DCLRE1C: variants seen among roughly 807,000 people sequenced by gnomAD.
DCLRE1C encodes DNA cross-link repair 1C.
In DCLRE1C, 47 loss-of-function variants were observed where a neutral mutation model predicts 61.4. That is an observed-to-expected ratio of 0.77 (90% CI 0.61 to 0.98). The LOEUF (loss-of-function observed/expected upper bound fraction) is 0.98, where lower values mean the gene tolerates loss of function less well. DCLRE1C is among the 50% of genes least tolerant of loss of function. The probability of loss-of-function intolerance (pLI) is 0.00; values close to 1 mark genes in which losing one functional copy is unlikely to be tolerated. For missense variants in DCLRE1C, 858 were observed against 816.0 expected (o/e 1.05, Z -0.63); for synonymous variants, 337 against 287.6 (o/e 1.17, Z -1.74).
chr10:14,954,248 C>T (rs934481476), upstream of DCLRE1C: 6 of 631,328 alleles, frequency 9.5e-6, no homozygotes, highest in Non-Finnish European at 1.7e-5. Flanking sequence ...GCGATGGGCC[C>T]TGAGCCCTGC....
rs751349938 is a variant in DCLRE1C, at chr10:14,908,963, A to G, written c.1524T>C (p.Pro508=). The G allele has an allele frequency of 6.2e-7, 1 of 1,614,164 alleles. No individual in the cohort carries two copies. The highest frequency in any genetic ancestry group is 1.7e-5 in the Admixed American group (1 of 60,024). ...EITDESLENF[P]SSTVAGGSQS... is the part of the protein sequence containing the mutation. ...GAGATCCCCCTGCCACTGTGGAGGA[A>G]GGGAAGTTTTCCAAACTCTCATCTG... The change falls in exon 14 of 14, where the codon CCT becomes CCC. Residue 508 remains proline, a synonymous_variant. Transcript: ENST00000378278.
At chr10:14,938,895 T>C (rs944570933) in intron 4 of DCLRE1C, among the ~76,000 whole-genome samples, 1 of 152,202 alleles carries the variant, frequency 6.6e-6, no homozygotes, top group Non-Finnish European at 1.5e-5. Flanking sequence ...AAATAAGCCA[T>C]GCCCAATCCT....
chr10:14,902,549 T>G (rs1489737264), downstream of DCLRE1C: 1 of 1,329,712 alleles, frequency 7.5e-7, no homozygotes. Context: ...TTATAATATT[T>G]TTTTCCTAAT....
chr10:14,897,676 A>G (rs1833680523), exon 14 of DCLRE1C: 4 of 563,556 alleles, frequency 7.1e-6, no homozygotes, highest in Non-Finnish European at 1.1e-5. Flanking sequence ...GTTCACTGGC[A>G]TATTTAGAAA....
chr10:14,927,928 G>T, intron 10 of DCLRE1C, 88 bp downstream of exon 10: 1 of 1,174,882 alleles, frequency 8.5e-7, no homozygotes, highest in Non-Finnish European at 1.2e-6. Context: ...TATATTCTTG[G>T]GCTTAGGCTA....
intron 2 of DCLRE1C, 69 bp from the exon 3 acceptor site, chr10:14,945,258 ATT>A: frequency 6.7e-7 from 1 of 1,491,124 alleles, no homozygotes; most frequent in Non-Finnish European, 9.2e-7. Context: ...TAAGAAATCT[ATT>A]TCATCATACA....
intron 1 of DCLRE1C, among the ~76,000 whole-genome samples, chr10:14,952,589 A>G (rs1842610902): frequency 6.6e-6 from 1 of 152,074 alleles, no homozygotes; most frequent in South Asian, 2.1e-4. Flanking sequence ...CCTCAAAATA[A>G]TAATAAAAAT....
rs751141051 is a variant in DCLRE1C at position 14,954,049 on chromosome 10, A to T, written c.-39T>A. ...CCAGAGTCCGGGACCCCAAAACCGC[A>T]GCTGAAGCCAAGGCCAGCCCTGACC... On this transcript the variant is annotated 5_prime_UTR_variant, in exon 1 of 14. Transcript: ENST00000378278. 3.7e-6 allele frequency: 6 copies of T among 1,612,744 alleles called. No individual in the cohort carries two copies. The highest frequency in any genetic ancestry group is 1.3e-5 in the African/African-American group (1 of 74,936).
At chr10:14,904,027 C>T (rs1258983181), downstream of DCLRE1C, 1 of 152,204 alleles carries the variant, frequency 6.6e-6, no homozygotes, top group East Asian at 1.9e-4. Flanking sequence ...GGGGCCAGGC[C>T]TGTGTGGTGG....
At chr10:14,936,394 C>T (rs951072524) in intron 5 of DCLRE1C, 144 bp downstream of exon 5, 133 of 601,086 alleles carry the variant, frequency 2.2e-4, no homozygotes, top group Non-Finnish European at 3.0e-4. Context: ...GCAATCCTCC[C>T]GCGTCAGCCT....
In DCLRE1C at chr10:14,926,902, AG is replaced by A. The variant is rs1838090563; in HGVS notation, c.918-6del. ...CTGTATGAACTCTCTCCAGTCCTAA[AG>A]GGAAGTGAAAACACAAAATAAAAAG... On this transcript the variant is annotated splice_region_variant and splice_polypyrimidine_tract_variant and intron_variant, in intron 10 of 13. Coordinates refer to ENST00000378278, the MANE Select transcript of DCLRE1C (RefSeq NM_001033855.3). 1 of 1,612,902 alleles carries A rather than the reference AG, an allele frequency of 6.2e-7. No individual in the cohort carries two copies. Among genetic ancestry groups the A allele is most frequent in the Non-Finnish European group, 8.5e-7 (1 of 1,179,036 alleles).
intron 3 of DCLRE1C, chr10:14,942,191 G>A (rs567968398): frequency 7.9e-5 from 12 of 152,438 alleles, no homozygotes; most frequent in Admixed American, 5.9e-4. Flanking sequence ...CAGCTCCTCC[G>A]AGTCCTGGGG....
At chr10:14,932,029 T>C (rs1033451676) in intron 9 of DCLRE1C, among the ~76,000 whole-genome samples, 7 of 149,444 alleles carry the variant, frequency 4.7e-5, no homozygotes, top group East Asian at 2.0e-4. Context: ...GCAAGGCTCG[T>C]CTCAAAAATA....
intron 3 of DCLRE1C, among the ~76,000 whole-genome samples, chr10:14,941,462 T>G (rs939728388): frequency 1.3e-5 from 2 of 152,150 alleles, no homozygotes; most frequent in Admixed American, 1.3e-4. Context: ...TTTTTAAGGT[T>G]TTTTTGTAGA....
chr10:14,899,820 G>A (rs1588858321), downstream of DCLRE1C: 1 of 1,087,772 alleles, frequency 9.2e-7, no homozygotes, highest in Non-Finnish European at 1.3e-6. Flanking sequence ...AAGGAGGGCA[G>A]CTTCTGTTAA....
In DCLRE1C at chr10:14,908,201, C is replaced by G; in HGVS notation, c.*207G>C. On this transcript the variant is annotated 3_prime_UTR_variant, in exon 14 of 14. Coordinates refer to ENST00000378278, the MANE Select transcript of DCLRE1C (RefSeq NM_001033855.3). ...TTTTTTTTTTTTGTAAGTAGAGACA[C>G]ATTTCACTGTGTTGGCCAGGCTGGT... is the stretch of plus-strand genomic sequence containing the variant. 1 of 268,588 alleles carries G rather than the reference C, an allele frequency of 3.7e-6. No individual in the cohort carries two copies. Among genetic ancestry groups the G allele is most frequent in the Non-Finnish European group, 6.4e-6 (1 of 156,696 alleles). The allele number at this position is 268,588 out of a possible 1,614,324, so 16.6% of individuals were successfully genotyped here.
chr10:14,940,982 A>C (rs1398885069), intron 3 of DCLRE1C, among the ~76,000 whole-genome samples: 2 of 152,346 alleles, frequency 1.3e-5, no homozygotes, highest in East Asian at 3.9e-4. Context: ...TCCCAGGTTC[A>C]AGCAATTCTC....
chr10:14,904,157 T>A (rs1291754848), downstream of DCLRE1C: 1 of 151,750 alleles, frequency 6.6e-6, no homozygotes, highest in East Asian at 1.9e-4. Flanking sequence ...ATACAAAAAT[T>A]AGCCGGGCGT....
In DCLRE1C at chr10:14,905,580, T is replaced by C. The variant is rs1328848809; in HGVS notation, c.*2828A>G. ...ATTTAATCTTCGGCTTCAGGCAGACTTTTTAAAAAACTAGTTTATACTATT... is the reference window on the plus strand; with the variant it reads ...ATTTAATCTTCGGCTTCAGGCAGACCTTTTAAAAAACTAGTTTATACTATT... On this transcript the variant is annotated 3_prime_UTR_variant, in exon 14 of 14. Transcript: ENST00000378278. Among the ~76,000 whole-genome samples, 1 of 152,238 alleles carries C rather than the reference T, an allele frequency of 6.6e-6. No individual in the cohort carries two copies. Among genetic ancestry groups the C allele is most frequent in the Non-Finnish European group, 1.5e-5 (1 of 68,050 alleles).
Sources: gnomAD v4.1 joint callset for allele counts (sites outside exome capture counted in the v4.1 genomes callset) on GRCh38, gnomAD v4.1.1 for gene constraint, MANE v1.5 for transcripts, NCBI Gene and HGNC (gene_info 2026-07-23, HGNC 2026-07-21) for gene names.